Variants in RFX3 observed in about 807,000 individuals in gnomAD.
RFX3 encodes transcription factor RFX3.
A neutral mutation model predicts 98.6 loss-of-function variants in RFX3; 14 were observed. That is an observed-to-expected ratio of 0.14 (90% CI 0.09 to 0.22). The LOEUF is 0.22. Ranked by LOEUF, RFX3 falls within the 10% of genes least tolerant of loss-of-function variation. The probability of loss-of-function intolerance (pLI) is 1.00; values close to 1 mark genes in which losing one functional copy is unlikely to be tolerated. For synonymous variants in RFX3, 383 were observed against 328.4 expected (o/e 1.17, Z -1.80); for missense variants, 639 against 926.9 (o/e 0.69, Z 4.03).
At chr9:3,398,100 T>C (rs1841082964) in intron 1 of RFX3, among the ~76,000 whole-genome samples, 1 of 152,070 alleles carries the variant, frequency 6.6e-6, no homozygotes, top group Non-Finnish European at 1.5e-5. Context: ...TCACAAATGG[T>C]GGTTTATTTA....
intron 3 of RFX3, among the ~76,000 whole-genome samples, chr9:3,337,356 T>C (rs940881244): frequency 1.3e-5 from 2 of 152,166 alleles, no homozygotes; most frequent in African/African-American, 2.4e-5. Flanking sequence ...CTTTTTAATA[T>C]CTTAGAAAAG....
rs369337006 is a variant in RFX3 at position 3,289,186 on chromosome 9, G to A, written c.732-936C>T. Among the ~76,000 whole-genome samples, 4 of 152,164 alleles carry A rather than the reference G, an allele frequency of 2.6e-5. No individual in the cohort carries two copies. In the East Asian group the frequency reaches 5.8e-4, roughly 22 times the overall value. On this transcript the variant is annotated intron_variant, in intron 6 of 16. Transcript: ENST00000617270. ...TTTTCTTCCATTTACAAAAAGAAAT[G>A]CAAGAAGAGTGTGGATTAAATATTT... is the stretch of plus-strand genomic sequence containing the variant.
chr9:3,455,023 C>T (rs1265404384), intron 1 of RFX3, among the ~76,000 whole-genome samples: 2 of 151,984 alleles, frequency 1.3e-5, no homozygotes, highest in South Asian at 2.1e-4. Flanking sequence ...CAGCACAATG[C>T]CCCCTCATCC....
intron 3 of RFX3, among the ~76,000 whole-genome samples, chr9:3,343,316 G>C (rs1475598247): frequency 6.6e-6 from 1 of 152,136 alleles, no homozygotes; most frequent in African/African-American, 2.4e-5. Flanking sequence ...CTATCTTCTG[G>C]AAGTATCATT....
At position 3,288,117 on chromosome 9, in the gene RFX3, A is replaced by C. The variant is rs536466054; in HGVS notation, c.851+14T>G. ...ACATAGCTTGGACACATCAATGATA[A>C]CTTCAGAGTCTACCTTTGTTTCTGT... On this transcript the variant is annotated intron_variant, in intron 7 of 16. Transcript: ENST00000617270. 1 of 1,612,016 alleles carries C rather than the reference A, an allele frequency of 6.2e-7. No individual in the cohort carries two copies. Among genetic ancestry groups the C allele is most frequent in the African/African-American group, 1.3e-5 (1 of 74,966 alleles).
At chr9:3,327,888 T>C (rs978490087) in intron 4 of RFX3, among the ~76,000 whole-genome samples, 2 of 146,812 alleles carry the variant, frequency 1.4e-5, no homozygotes, top group African/African-American at 5.1e-5. Context: ...GTATACCTTA[T>C]CAAAAAAAAA....
chr9:3,283,817 T>C (rs191493826), intron 7 of RFX3, among the ~76,000 whole-genome samples: 4 of 151,504 alleles, frequency 2.6e-5, no homozygotes, highest in African/African-American at 9.7e-5. Flanking sequence ...CTCATTAAAA[T>C]GTGATTTCTC....
chr9:3,303,420 T>G (rs988059221), intron 4 of RFX3, among the ~76,000 whole-genome samples: 2 of 151,894 alleles, frequency 1.3e-5, no homozygotes, highest in African/African-American at 4.8e-5. Flanking sequence ...AACCCTAATT[T>G]GCCATTATAC....
intron 14 of RFX3, among the ~76,000 whole-genome samples, chr9:3,255,096 C>T (rs688017): frequency 0.94 from 143,095 of 152,314 alleles, 67,874 homozygotes; most frequent in East Asian, 1. Flanking sequence ...ATTTTCAGGA[C>T]GTAAGGATAA....
chr9:3,460,611 T>C (rs988912331), intron 1 of RFX3, among the ~76,000 whole-genome samples: 1 of 151,978 alleles, frequency 6.6e-6, no homozygotes, highest in African/African-American at 2.4e-5. Flanking sequence ...TGTAAAACCT[T>C]ATTCATGTCA....
intron 2 of RFX3, among the ~76,000 whole-genome samples, chr9:3,357,229 T>C (rs989831938): frequency 1.6e-4 from 24 of 152,112 alleles, no homozygotes; most frequent in African/African-American, 5.8e-4. Context: ...TAAACCTTGA[T>C]GGATATTTTC....
chr9:3,462,216 C>G (rs1326372467), intron 1 of RFX3, among the ~76,000 whole-genome samples: 2 of 151,964 alleles, frequency 1.3e-5, no homozygotes, highest in African/African-American at 4.8e-5. Context: ...CAGCAACATA[C>G]ATATAAACAG....
chr9:3,314,789 A>G (rs1830388653), intron 4 of RFX3, among the ~76,000 whole-genome samples: 1 of 152,210 alleles, frequency 6.6e-6, no homozygotes, highest in Non-Finnish European at 1.5e-5. Context: ...GCCATTACAT[A>G]ATGGTAAAGA....
At chr9:3,358,820 A>G (rs1836072563) in intron 2 of RFX3, among the ~76,000 whole-genome samples, 1 of 152,106 alleles carries the variant, frequency 6.6e-6, no homozygotes, top group African/African-American at 2.4e-5. Flanking sequence ...AGCAAACACA[A>G]GTCCTTCTTC....
At chr9:3,227,222 G>C (rs1817880390) in intron 16 of RFX3, among the ~76,000 whole-genome samples, 1 of 152,156 alleles carries the variant, frequency 6.6e-6, no homozygotes, top group East Asian at 1.9e-4. Flanking sequence ...AGGCAGGGAG[G>C]GCAGTGGAGA....
chr9:3,403,984 G>C (rs1375050638), intron 1 of RFX3, among the ~76,000 whole-genome samples: 8 of 152,188 alleles, frequency 5.3e-5, no homozygotes, highest in African/African-American at 1.9e-4. Context: ...TTTAATAAAA[G>C]TGCAGAATAG....
At chr9:3,488,958 G>GAAATA in intron 1 of RFX3, 8 of 864,764 alleles carry the variant, frequency 9.3e-6, no homozygotes, top group Non-Finnish European at 1.1e-5. Context: ...GAAGACTGAT[G>GAAATA]GATTCTATTT....
chr9:3,277,249 C>T, intron 8 of RFX3, 91 bp downstream of exon 8: 2 of 1,360,262 alleles, frequency 1.5e-6, no homozygotes, highest in Non-Finnish European at 2.0e-6. Context: ...CTTTCTATGT[C>T]ATTGACATCT....
At chr9:3,259,885 T>C (rs1174180795) in intron 13 of RFX3, among the ~76,000 whole-genome samples, 3 of 152,078 alleles carry the variant, frequency 2.0e-5, no homozygotes, top group African/African-American at 2.4e-5. Flanking sequence ...TGTAATTTCA[T>C]TGTTTTAAAT....
Sources: gnomAD v4.1 joint callset for allele counts (sites outside exome capture counted in the v4.1 genomes callset) on GRCh38, gnomAD v4.1.1 for gene constraint, MANE v1.5 for transcripts, NCBI Gene and HGNC (gene_info 2026-07-23, HGNC 2026-07-21) for gene names.